Variants in FRMD3 observed in about 807,000 individuals in gnomAD.
FRMD3 encodes FERM domain-containing protein 3.
A neutral mutation model predicts 70.2 loss-of-function variants in FRMD3; 33 were observed. The observed-to-expected ratio is 0.47, with a 90% CI of 0.36 to 0.63. The LOEUF (loss-of-function observed/expected upper bound fraction) is 0.63. Among genes scored for constraint, FRMD3 ranks in the 20% least tolerant of loss-of-function variants. The pLI is 0.00. For missense variants in FRMD3, 632 were observed against 711.4 expected, an observed-to-expected ratio of 0.89 and a Z score of 1.27; for synonymous variants, 279 against 255.9, an observed-to-expected ratio of 1.09 and a Z score of -0.86.
intron 1 of FRMD3, among the ~76,000 whole-genome samples, chr9:83,440,115 G>A (rs1012416803): frequency 6.6e-6 from 1 of 152,164 alleles, no homozygotes; most frequent in Non-Finnish European, 1.5e-5. Context: ...GGATTCTCTG[G>A]TTTCTACCAG....
intron 1 of FRMD3, among the ~76,000 whole-genome samples, chr9:83,532,762 T>C (rs980004062): frequency 1.3e-5 from 2 of 151,458 alleles, no homozygotes; most frequent in Non-Finnish European, 2.9e-5. Context: ...TATGATCCAA[T>C]CCAGGCCAAT....
intron 1 of FRMD3, among the ~76,000 whole-genome samples, chr9:83,482,437 T>C (rs879760004): frequency 6.6e-6 from 1 of 152,206 alleles, no homozygotes; most frequent in Admixed American, 6.5e-5. Flanking sequence ...AAAATCAGAC[T>C]CTGCACTTTT....
Position 83,372,950 on chromosome 9 carries a change from C to A in FRMD3, c.258G>T (p.Trp86Cys), listed in dbSNP as rs1825025138. 6.3e-7 allele frequency: 1 copy of A among 1,596,972 alleles called. No individual in the cohort carries two copies. The highest frequency in any genetic ancestry group is 1.7e-5 in the Admixed American group (1 of 58,390). ...TGAAGATGGACTTGTTAGGTTCAAG[C>A]CAGTGCTAGGGAGGAAAAAAAAAAA... is the stretch of plus-strand genomic sequence containing the variant. ...RYVDPEKQRH[W>C]LEPNKSIFKQ... The change falls in exon 3 of 14, where the codon TGG (tryptophan) becomes TGT (cysteine). Residue 86 changes from tryptophan to cysteine, a missense_variant. Trp to Cys is a radical substitution (Grantham distance 215). Coordinates refer to ENST00000304195, the MANE Select transcript of FRMD3 (RefSeq NM_174938.6).
At chr9:83,525,716 A>G (rs1363538417) in intron 1 of FRMD3, among the ~76,000 whole-genome samples, 1 of 152,224 alleles carries the variant, frequency 6.6e-6, no homozygotes, top group African/African-American at 2.4e-5. Flanking sequence ...ATGAAGATTA[A>G]GGACAGAAAA....
At chr9:83,429,865 C>A (rs544790688) in intron 1 of FRMD3, among the ~76,000 whole-genome samples, 5 of 152,042 alleles carry the variant, frequency 3.3e-5, no homozygotes, top group African/African-American at 9.7e-5. Context: ...TGCAGAGATG[C>A]GAATGATTCT....
chr9:83,397,618 C>T (rs1313114881), intron 1 of FRMD3, among the ~76,000 whole-genome samples: 1 of 152,122 alleles, frequency 6.6e-6, no homozygotes, highest in African/African-American at 2.4e-5. Context: ...TCCTCCAGGA[C>T]CCCTCTATGA....
intron 13 of FRMD3, among the ~76,000 whole-genome samples, chr9:83,287,003 G>A (rs7872136): frequency 0.82 from 125,406 of 152,110 alleles, 54,065 homozygotes; most frequent in East Asian, 0.97. Flanking sequence ...GGACCCGGAC[G>A]GTAGGAATCC....
At chr9:83,478,112 T>C (rs773607164) in intron 1 of FRMD3, among the ~76,000 whole-genome samples, 24 of 152,208 alleles carry the variant, frequency 1.6e-4, no homozygotes, top group Non-Finnish European at 2.9e-4. Context: ...CAAAAGCTCC[T>C]GTGTCAAAAG....
the FRMD3 span, among the ~76,000 whole-genome samples, chr9:83,545,027 T>C: frequency 1.3e-5 from 2 of 152,118 alleles, no homozygotes; most frequent in Admixed American, 6.6e-5. Flanking sequence ...CAATGGATCC[T>C]AACCAAAATG....
intron 1 of FRMD3, among the ~76,000 whole-genome samples, chr9:83,497,462 T>C (rs1414458184): frequency 6.6e-6 from 1 of 152,238 alleles, no homozygotes; most frequent in African/African-American, 2.4e-5. Flanking sequence ...AGTGGCGTAA[T>C]GGAAATAGCT....
intron 1 of FRMD3, among the ~76,000 whole-genome samples, chr9:83,479,755 GA>G (rs1564097028): frequency 1.6e-4 from 10 of 61,434 alleles, no homozygotes; most frequent in African/African-American, 4.2e-4. Context: ...GAAAAGAGAA[GA>G]AGAAGGGAGG....
chr9:83,502,269 G>A (rs1829086079), intron 1 of FRMD3, among the ~76,000 whole-genome samples: 2 of 152,162 alleles, frequency 1.3e-5, no homozygotes. Flanking sequence ...AGTGGTGAGT[G>A]CAACAGAGAA....
chr9:83,281,828 T>C (rs1833981751), intron 13 of FRMD3, among the ~76,000 whole-genome samples: 1 of 152,158 alleles, frequency 6.6e-6, no homozygotes, highest in Non-Finnish European at 1.5e-5. Flanking sequence ...TCTAGGGTGA[T>C]GGAAGTCTCT....
chr9:83,539,379 T>C (rs1587544330), upstream of FRMD3, among the ~76,000 whole-genome samples: 1 of 151,920 alleles, frequency 6.6e-6, no homozygotes, highest in Non-Finnish European at 1.5e-5. Context: ...GAGTCAGGGG[T>C]ATGGAGCTTG....
chr9:83,381,476 A>T (rs1825351689), intron 2 of FRMD3, among the ~76,000 whole-genome samples: 1 of 152,028 alleles, frequency 6.6e-6, no homozygotes, highest in African/African-American at 2.4e-5. Flanking sequence ...GAATTGCTTG[A>T]ACCCGGGAGG....
chr9:83,368,873 T>A (rs940592937), intron 3 of FRMD3, among the ~76,000 whole-genome samples: 11 of 152,032 alleles, frequency 7.2e-5, no homozygotes, highest in Admixed American at 2.0e-4. Context: ...ATTTTTTTTT[T>A]AAACAGAGTT....
chr9:83,553,309 T>C, the FRMD3 span, among the ~76,000 whole-genome samples: 1 of 152,234 alleles, frequency 6.6e-6, no homozygotes, highest in African/African-American at 2.4e-5. Flanking sequence ...CCCCAATCTC[T>C]TCTGGCTTGT....
chr9:83,412,797 C>A (rs917582741), intron 1 of FRMD3, among the ~76,000 whole-genome samples: 1 of 152,028 alleles, frequency 6.6e-6, no homozygotes, highest in Non-Finnish European at 1.5e-5. Flanking sequence ...GAGTTCGAGA[C>A]CAGTCTGGCC....
At chr9:83,322,011 T>A (rs1027823238) in intron 6 of FRMD3, among the ~76,000 whole-genome samples, 1 of 152,074 alleles carries the variant, frequency 6.6e-6, no homozygotes, top group African/African-American at 2.4e-5. Flanking sequence ...CAACTGGACA[T>A]GGTTGCAGCC....
Sources: gnomAD v4.1 joint callset for allele counts (sites outside exome capture counted in the v4.1 genomes callset) on GRCh38, gnomAD v4.1.1 for gene constraint, MANE v1.5 for transcripts, NCBI Gene and HGNC (gene_info 2026-07-23, HGNC 2026-07-21) for gene names.